The following COL23A1 variants were observed in gnomAD, a reference collection of about 807,000 sequenced individuals.
COL23A1 encodes collagen type XXIII alpha 1 chain.
Under a neutral mutation model 99.3 loss-of-function variants are expected in COL23A1, and 97 were observed. That is an observed-to-expected ratio of 0.98 (90% CI 0.83 to 1.16). The LOEUF (loss-of-function observed/expected upper bound fraction) is 1.16. COL23A1 is among the 50% of genes most tolerant of loss of function. The pLI is 0.00. For missense variants in COL23A1, 762 were observed against 757.4 expected (o/e 1.01, Z -0.07); for synonymous variants, 320 against 308.2 (o/e 1.04, Z -0.40).
chr5:178,355,952 C>A (rs890527061), intron 2 of COL23A1, among the ~76,000 whole-genome samples: 1 of 152,136 alleles, frequency 6.6e-6, no homozygotes, highest in African/African-American at 2.4e-5. Flanking sequence ...AAATATCTTA[C>A]CTATTAAAAT....
chr5:178,256,363 G>A lies in COL23A1; in HGVS notation c.872C>T (p.Ala291Val), dbSNP rs1300893140. The A allele has an allele frequency of 6.2e-7, 1 of 1,606,428 alleles. No homozygotes were observed. Residue 291 changes from alanine to valine, a missense_variant, in exon 15 of 29, where the codon GCA (alanine) becomes GTA (valine). Transcript: ENST00000390654. ...GGGGCGGCAGCTTACCCGGGGCCCT[G>A]CAGCTCCATCCGTGCCTCGGTGGCC... ...EPGHRGTDGA[A>V]GPRGAPGLKG...
chr5:178,552,911 T>C (rs1053971316), intron 2 of COL23A1, among the ~76,000 whole-genome samples: 3 of 151,896 alleles, frequency 2.0e-5, no homozygotes, highest in Non-Finnish European at 2.9e-5. Flanking sequence ...GATTTCACCA[T>C]GTTGGCCAGG....
At chr5:178,399,273 G>A (rs2127761804) in intron 2 of COL23A1, among the ~76,000 whole-genome samples, 1 of 152,324 alleles carries the variant, frequency 6.6e-6, no homozygotes, top group Admixed American at 6.5e-5. Flanking sequence ...TGAGCAGCCA[G>A]CACAGAGAAG....
intron 25 of COL23A1, among the ~76,000 whole-genome samples, chr5:178,245,293 GC>G (rs1167321629): frequency 9.2e-6 from 1 of 108,310 alleles, no homozygotes; most frequent in African/African-American, 3.7e-5. Flanking sequence ...TCCCTCCACT[GC>G]CATCATCATC....
At chr5:178,533,646 C>T (rs1473324543) in intron 2 of COL23A1, among the ~76,000 whole-genome samples, 1 of 152,078 alleles carries the variant, frequency 6.6e-6, no homozygotes, top group Non-Finnish European at 1.5e-5. Flanking sequence ...TACAGGTGTG[C>T]ACCACCACGC....
intron 1 of COL23A1, among the ~76,000 whole-genome samples, chr5:178,571,981 T>C (rs985124665): frequency 2.0e-5 from 3 of 149,742 alleles, no homozygotes; most frequent in Middle Eastern, 3.4e-3. Context: ...GGCAGGAGAA[T>C]GGCGTGAACC....
chr5:178,518,217 G>A (rs951231460), intron 2 of COL23A1, among the ~76,000 whole-genome samples: 1 of 143,974 alleles, frequency 6.9e-6, no homozygotes, highest in Non-Finnish European at 1.5e-5. Flanking sequence ...TTGGGGGTAA[G>A]GTCACAGATC....
At chr5:178,506,874 G>A (rs1209791178) in intron 2 of COL23A1, among the ~76,000 whole-genome samples, 3 of 152,144 alleles carry the variant, frequency 2.0e-5, no homozygotes, top group Admixed American at 6.5e-5. Context: ...TGGAATGCAC[G>A]AATTACTGCG....
chr5:178,539,743 G>C (rs1761189064), intron 2 of COL23A1, among the ~76,000 whole-genome samples: 1 of 151,832 alleles, frequency 6.6e-6, no homozygotes, highest in South Asian at 2.1e-4. Context: ...TTTTTCCAGA[G>C]AATAGAAATG....
chr5:178,502,708 G>A (rs1023452172), intron 2 of COL23A1, among the ~76,000 whole-genome samples: 2 of 152,196 alleles, frequency 1.3e-5, no homozygotes, highest in Non-Finnish European at 2.9e-5. Flanking sequence ...GAATCATATT[G>A]AAAAGCTGAA....
intron 2 of COL23A1, among the ~76,000 whole-genome samples, chr5:178,512,091 A>G (rs1759235717): frequency 1.3e-5 from 2 of 152,374 alleles, no homozygotes; most frequent in Middle Eastern, 6.8e-3. Flanking sequence ...AATGGGATAT[A>G]TGAACAAATG....
intron 2 of COL23A1, among the ~76,000 whole-genome samples, chr5:178,390,922 T>C (rs752038184): frequency 2.0e-5 from 3 of 152,190 alleles, no homozygotes; most frequent in Admixed American, 6.5e-5. Context: ...AAAGGAGCAA[T>C]AGATAAACTG....
At position 178,238,740 on chromosome 5, in the gene COL23A1, G is replaced by A. The variant is rs377130455; in HGVS notation, c.1621-40C>T. The A allele has an allele frequency of 4.3e-5, 69 of 1,611,982 alleles. No individual in the cohort carries two copies. In the African/African-American group the frequency reaches 4.5e-4, roughly 11 times the overall value. On this transcript the variant is annotated intron_variant, in intron 28 of 28. Coordinates refer to ENST00000390654, the MANE Select transcript of COL23A1 (RefSeq NM_173465.4). ...AGAGACTGAAGGTGACGAGGAGCCC[G>A]AGAAGCTCCGCCCCCATCCAGGCCA...
chr5:178,344,294 CA>C (rs1334673112), intron 2 of COL23A1, among the ~76,000 whole-genome samples: 2 of 152,176 alleles, frequency 1.3e-5, no homozygotes, highest in African/African-American at 2.4e-5. Flanking sequence ...GCTATGTAAA[CA>C]GTTGTTACAC....
chr5:178,296,980 C>T (rs951297176), intron 3 of COL23A1, among the ~76,000 whole-genome samples: 4 of 152,262 alleles, frequency 2.6e-5, no homozygotes, highest in African/African-American at 9.6e-5. Context: ...AACCCCTTTC[C>T]AGGGCTTCCC....
chr5:178,442,337 G>A (rs1766918815), intron 2 of COL23A1, among the ~76,000 whole-genome samples: 1 of 152,138 alleles, frequency 6.6e-6, no homozygotes, highest in Non-Finnish European at 1.5e-5. Flanking sequence ...GTCCAAACAG[G>A]TTTGCAAATT....
intron 2 of COL23A1, among the ~76,000 whole-genome samples, chr5:178,409,563 C>T (rs1252307167): frequency 6.6e-6 from 1 of 152,164 alleles, no homozygotes; most frequent in African/African-American, 2.4e-5. Flanking sequence ...ACCAGAGTTA[C>T]ATCAGATGCA....
intron 2 of COL23A1, among the ~76,000 whole-genome samples, chr5:178,398,197 G>A (rs967860523): frequency 6.6e-6 from 1 of 152,210 alleles, no homozygotes; most frequent in African/African-American, 2.4e-5. Flanking sequence ...AAGTGACAGA[G>A]CCTTTGAATA....
At chr5:178,277,935 G>A (rs1410264550) in intron 5 of COL23A1, among the ~76,000 whole-genome samples, 1 of 152,184 alleles carries the variant, frequency 6.6e-6, no homozygotes, top group Non-Finnish European at 1.5e-5. Context: ...GATGGGACCG[G>A]CGGGCCGGGA....
Sources: allele counts gnomAD v4.1 joint callset (sites outside exome capture counted in the v4.1 genomes callset), GRCh38; gene constraint gnomAD v4.1.1; transcripts MANE v1.5; gene names NCBI Gene and HGNC (gene_info 2026-07-23, HGNC 2026-07-21).